Variants in CROCC2 observed in about 807,000 individuals in gnomAD.
CROCC2 encodes ciliary rootlet coiled-coil, rootletin family member 2.
CROCC2 carries 163 observed loss-of-function variants against 177.6 expected under a neutral mutation model. The ratio of observed to expected loss-of-function variants is 0.92; its 90% CI spans 0.81 to 1.05. CROCC2 has a LOEUF of 1.05. CROCC2 is among the 50% of genes least tolerant of loss of function. The pLI, the probability that CROCC2 is intolerant of heterozygous loss-of-function variation, is 0.00. For synonymous variants in CROCC2, 904 were observed against 787.3 expected, an observed-to-expected ratio of 1.15 and a Z score of -2.48; for missense variants, 1,929 against 1,797.8, an observed-to-expected ratio of 1.07 and a Z score of -1.32.
chr2:240,934,997 G>A lies in CROCC2; in HGVS notation c.1873G>A (p.Ala625Thr), dbSNP rs1053476559. ...EGVEQRDSLA[A>T]MAALMEGLAQ... ...AGTGGAGCAAAGGGACTCCCTGGCC[G>A]CAATGGCCGCCTTGATGGAGGGGTT... Residue 625 changes from alanine (A) to threonine (T), a missense_variant, in exon 13 of 32, where the codon GCA becomes ACA. Transcript: ENST00000690015. The A allele has an allele frequency of 1.3e-5, 19 of 1,445,320 alleles. No individual in the cohort carries two copies. The highest frequency in any genetic ancestry group is 1.1e-4 in the Admixed American group (4 of 36,498). The allele number at this position is 1,445,320 out of a possible 1,614,324, so 89.5% of individuals were successfully genotyped here.
At chr2:240,970,184 T>G (rs2059711147) in intron 27 of CROCC2, among the ~76,000 whole-genome samples, 1 of 152,236 alleles carries the variant, frequency 6.6e-6, no homozygotes, top group Admixed American at 6.5e-5. Context: ...CCAAGGGTAT[T>G]TGACTTCTAG....
chr2:240,948,386 GC>G (rs2059535418), intron 15 of CROCC2, among the ~76,000 whole-genome samples: 1 of 152,188 alleles, frequency 6.6e-6, no homozygotes, highest in African/African-American at 2.4e-5. Flanking sequence ...GTGGCCCATG[GC>G]CCACCCTGAC....
chr2:240,934,571 GC>G lies in CROCC2; in HGVS notation c.1791+98del, dbSNP rs1437046072. Reference sequence around the variant, plus strand: ...GCCTCCCACTCCCTCTCTCCTGCCTGCCGGGCCCCTCAGCCCATCACCAGAG... The same window carrying G: ...GCCTCCCACTCCCTCTCTCCTGCCTGCGGGCCCCTCAGCCCATCACCAGAG... On this transcript the variant is annotated intron_variant, in intron 12 of 31. Transcript: ENST00000690015. 25 of 1,266,812 alleles carry G rather than the reference GC, an allele frequency of 2.0e-5. No individual in the cohort carries two copies. In the African/African-American group the frequency reaches 3.7e-4, roughly 19 times the overall value. The allele number at this position is 1,266,812 out of a possible 1,614,324, so 78.5% of individuals were successfully genotyped here.
chr2:240,961,356 C>T (rs998398732), intron 20 of CROCC2, among the ~76,000 whole-genome samples: 1 of 151,978 alleles, frequency 6.6e-6, no homozygotes, highest in Non-Finnish European at 1.5e-5. Context: ...CACACACTCA[C>T]GCTGGAATCA....
rs536818019 is a variant in CROCC2 at position 240,931,538 on chromosome 2, C to T, written c.947+410C>T. Among the ~76,000 whole-genome samples, 18 of 152,340 alleles carry T rather than the reference C, an allele frequency of 1.2e-4. 1 individual carries two copies. The South Asian group carries it at 2.5e-3, about 21-fold the overall frequency. On this transcript the variant is annotated intron_variant, in intron 7 of 31. Coordinates refer to ENST00000690015, the MANE Select transcript of CROCC2 (RefSeq NM_001351305.2). The stretch of plus-strand genomic sequence containing the variant: ...TCCTGCCCGATATGAAGGACACCCA[C>T]GCCCTCTCTGGGGGTCTATGAGCCC...
intron 27 of CROCC2, 43 bp downstream of exon 27, chr2:240,968,305 C>A: frequency 6.7e-7 from 1 of 1,498,786 alleles, no homozygotes; most frequent in Non-Finnish European, 8.9e-7. Context: ...GGCACAAGAA[C>A]AAGGCCTCTC....
In CROCC2 at chr2:240,925,898, G is replaced by A. The variant is rs780444620; in HGVS notation, c.645+18G>A. 16 of 703,202 alleles carry A rather than the reference G, an allele frequency of 2.3e-5. No homozygotes were observed. The highest frequency in any genetic ancestry group is 2.3e-4 in the South Asian group (15 of 66,442). The allele number at this position is 703,202 out of a possible 1,614,324, so 43.6% of individuals were successfully genotyped here. On this transcript the variant is annotated intron_variant, in intron 5 of 31. Transcript: ENST00000690015. ...AGAGACAGGTGCTCCCCCAACCCTTGCTCACCTCATGGCGGCCGCCTGTCT... is the reference window on the plus strand; with the variant it reads ...AGAGACAGGTGCTCCCCCAACCCTTACTCACCTCATGGCGGCCGCCTGTCT...
At chr2:240,940,545 C>T (rs2059489914) in intron 14 of CROCC2, among the ~76,000 whole-genome samples, 1 of 152,048 alleles carries the variant, frequency 6.6e-6, no homozygotes, top group Non-Finnish European at 1.5e-5. Flanking sequence ...GTTTAACATA[C>T]ATAAGTCAAT....
At chr2:240,925,682 A>T (rs2059391209) in intron 4 of CROCC2, 42 bp from the exon 5 acceptor site, 1 of 677,558 alleles carries the variant, frequency 1.5e-6, no homozygotes, top group African/African-American at 1.8e-5. Context: ...CTCTTAGGAG[A>T]GGCTTCCTAC....
intron 14 of CROCC2, among the ~76,000 whole-genome samples, chr2:240,943,072 A>G (rs1163045644): frequency 6.6e-6 from 1 of 152,002 alleles, no homozygotes; most frequent in Non-Finnish European, 1.5e-5. Flanking sequence ...CAGTGGCATG[A>G]CCATGGTTCA....
At chr2:240,919,931 A>G in intron 2 of CROCC2, 52 bp from the exon 3 acceptor site, 1 of 613,146 alleles carries the variant, frequency 1.6e-6, no homozygotes, top group Non-Finnish European at 3.1e-6. Context: ...CACAAGGCTG[A>G]GTGTGGGTGG....
At chr2:240,947,061 C>T (rs2059528501) in intron 15 of CROCC2, among the ~76,000 whole-genome samples, 1 of 152,284 alleles carries the variant, frequency 6.6e-6, no homozygotes, top group South Asian at 2.1e-4. Context: ...CTGATGGCTT[C>T]TGTGCCTTAT....
chr2:240,915,575 C>T (rs1321253403), intron 1 of CROCC2, among the ~76,000 whole-genome samples: 1 of 152,236 alleles, frequency 6.6e-6, no homozygotes, highest in African/African-American at 2.4e-5. Context: ...GGACCCCAGT[C>T]CAACTCTTTT....
chr2:240,927,328 G>C (rs890872549), intron 5 of CROCC2, among the ~76,000 whole-genome samples: 9 of 152,140 alleles, frequency 5.9e-5, no homozygotes, highest in African/African-American at 2.2e-4. Context: ...TGTGTCGCTT[G>C]TTATTTTGGG....
At chr2:240,937,350 C>T (rs549090088) in intron 14 of CROCC2, among the ~76,000 whole-genome samples, 1 of 152,178 alleles carries the variant, frequency 6.6e-6, no homozygotes, top group South Asian at 2.1e-4. Flanking sequence ...AATCTTTTTC[C>T]TATTTTTTAA....
chr2:240,952,156 G>A (rs567925190), intron 18 of CROCC2, among the ~76,000 whole-genome samples: 2 of 152,118 alleles, frequency 1.3e-5, no homozygotes, highest in East Asian at 3.9e-4. Flanking sequence ...AACTAGCCTG[G>A]CCAACATAGT....
chr2:240,988,403 A>G (rs1319695863), intron 28 of CROCC2, among the ~76,000 whole-genome samples: 3 of 152,172 alleles, frequency 2.0e-5, no homozygotes, highest in Non-Finnish European at 4.4e-5. Context: ...CTGGAGGAAC[A>G]CTGAGAAGGG....
intron 27 of CROCC2, among the ~76,000 whole-genome samples, chr2:240,971,311 G>A (rs1477942566): frequency 6.6e-6 from 1 of 152,216 alleles, no homozygotes; most frequent in Non-Finnish European, 1.5e-5. Flanking sequence ...CAGGGCCAGA[G>A]CTCACAGGGC....
chr2:240,974,974 G>A (rs1032198016), intron 27 of CROCC2, among the ~76,000 whole-genome samples: 35 of 152,058 alleles, frequency 2.3e-4, no homozygotes, highest in African/African-American at 8.0e-4. Flanking sequence ...CAGGGATGAC[G>A]GTTTTCTTTT....
Sources: allele counts gnomAD v4.1 joint callset (sites outside exome capture counted in the v4.1 genomes callset), GRCh38; gene constraint gnomAD v4.1.1; transcripts MANE v1.5; gene names NCBI Gene and HGNC (gene_info 2026-07-23, HGNC 2026-07-21).